The following INF2 variants were observed in gnomAD, a reference collection of about 807,000 sequenced individuals.
The protein encoded by INF2 is inverted formin-2.
Under a neutral mutation model 123.5 loss-of-function variants are expected in INF2, and 43 were observed. The observed-to-expected ratio is 0.35, with a 90% CI of 0.27 to 0.45. INF2 has a LOEUF of 0.45. Ranked by LOEUF, INF2 falls within the 20% of genes least tolerant of loss-of-function variation. The pLI, the probability that INF2 is intolerant of heterozygous loss-of-function variation, is 1.00. For missense variants in INF2, 1,453 were observed against 1,682.7 expected (o/e 0.86, Z 2.39); for synonymous variants, 851 against 745.0 (o/e 1.14, Z -2.32).
chr14:104,713,803 C>T (rs1218010758), intron 20 of INF2, among the ~76,000 whole-genome samples, 197 bp downstream of exon 20: 1 of 152,238 alleles, frequency 6.6e-6, no homozygotes, highest in Non-Finnish European at 1.5e-5. Flanking sequence ...CACTCCAGCT[C>T]CTCCACTGTA....
rs768068589 is a variant in INF2, at chr14:104,715,311, A to G, written c.3722A>G (p.Lys1241Arg). Residue 1241 changes from lysine (K) to arginine (R), a missense_variant, in exon 22 of 23, where the codon AAA becomes AGA. Physicochemically the swap from Lys to Arg is conservative, Grantham distance 26. Around this residue, in one of 8 missense-constraint regions of INF2, gnomAD observed 344 missense variants for 333.1 expected, o/e 1.03. Coordinates refer to ENST00000392634, the MANE Select transcript of INF2 (RefSeq NM_022489.4). ...GTTCCCCCTGATTCTGATGATAATA[A>G]AACAAAGAAACTGTGTGTGATCCAG... ...EEVPPDSDDNKTKKLCVIQ is the reference protein window; with the variant it reads ...EEVPPDSDDNRTKKLCVIQ 10 of 1,613,652 alleles carry G rather than the reference A, an allele frequency of 6.2e-6. No individual in the cohort carries two copies. Among genetic ancestry groups the G allele is most frequent in the Non-Finnish European group, 5.1e-6 (6 of 1,179,846 alleles).
rs1167252164 is a variant in INF2 at position 104,706,961 on chromosome 14, C to G, written c.895C>G (p.Leu299Val). Residue 299 changes from leucine (L) to valine (V), a missense_variant, in exon 7 of 23, where the codon CTG becomes GTG. Physicochemically the swap from Leu to Val is conservative, Grantham distance 32. This residue lies in a region of INF2 where 251 missense variants were observed against 349.4 expected (regional missense o/e 0.72). Transcript: ENST00000392634. Reference protein sequence around the residue: ...AQLLSVLQGLLHLEPTLRSSQ... With the variant: ...AQLLSVLQGLVHLEPTLRSSQ... ...GCTCCTGTCGGTGCTGCAGGGCCTC[C>G]TGCACCTGGAGCCCACCCTCCGCTC... is the stretch of plus-strand genomic sequence containing the variant. 1 of 1,602,266 alleles carries G rather than the reference C, an allele frequency of 6.2e-7. No individual in the cohort carries two copies. The highest frequency in any genetic ancestry group is 2.2e-5 in the East Asian group (1 of 44,842).
chr14:104,708,837 G>A lies in INF2; in HGVS notation c.1949+105G>A, dbSNP rs1889904527. On this transcript the variant is annotated intron_variant, in intron 10 of 22. Coordinates refer to ENST00000392634, the MANE Select transcript of INF2 (RefSeq NM_022489.4). Reference sequence around the variant, plus strand: ...CCCTCTGCAGGCCGCCATGGGAAGTGCACACTGCATCCCCTAGGCAGGATT... The same window carrying A: ...CCCTCTGCAGGCCGCCATGGGAAGTACACACTGCATCCCCTAGGCAGGATT... 4.3e-6 allele frequency: 5 copies of A among 1,154,840 alleles called. No homozygotes were observed. The African/African-American group carries it at 7.7e-5, about 18-fold the overall frequency. 71.5% of individuals were successfully genotyped at this position (1,154,840 alleles called of 1,614,324 possible). A position where few individuals can be genotyped will look rare whatever the true frequency, so the allele number is the denominator to read the frequency against.
rs1056002023 is a variant in INF2, at chr14:104,718,980, C to T, written c.*187C>T. 7 of 1,363,522 alleles carry T rather than the reference C, an allele frequency of 5.1e-6. No individual in the cohort carries two copies. In the East Asian group the frequency reaches 1.8e-4, roughly 35 times the overall value. The allele number at this position is 1,363,522 out of a possible 1,614,324, so 84.5% of individuals were successfully genotyped here. A position where few individuals can be genotyped will look rare whatever the true frequency, so the allele number is the denominator to read the frequency against. On this transcript the variant is annotated 3_prime_UTR_variant, in exon 23 of 23. Coordinates refer to ENST00000392634, the MANE Select transcript of INF2 (RefSeq NM_022489.4). ...GTGTTGTGGCTGGGAACCCGACAGG[C>T]ACCAGTGCCCTGCCAGGCCTGGTGC...
At chr14:104,718,262 C>A (rs1397570338) in intron 22 of INF2, among the ~76,000 whole-genome samples, 1 of 152,148 alleles carries the variant, frequency 6.6e-6, no homozygotes, top group East Asian at 1.9e-4. Context: ...CATCGAGGGC[C>A]CCTGGACCAG....
At chr14:104,703,789 A>C in intron 4 of INF2, 127 bp from the exon 5 acceptor site, 8 of 1,526,160 alleles carry the variant, frequency 5.2e-6, no homozygotes, top group Non-Finnish European at 6.3e-6. Flanking sequence ...TCTCCCCTCC[A>C]GAGCCTCAGG....
intron 10 of INF2, 30 bp from the exon 11 acceptor site, chr14:104,709,251 C>T (rs758006324): frequency 6.4e-7 from 1 of 1,564,440 alleles, no homozygotes; most frequent in Non-Finnish European, 8.8e-7. Flanking sequence ...ATGATTCACT[C>T]ACCCCTGCCC....
chr14:104,707,983 G>C lies in INF2; in HGVS notation c.1716G>C (p.Leu572=), dbSNP rs780141010. 7.5e-6 allele frequency: 12 copies of C among 1,598,250 alleles called. No homozygotes were observed. Among genetic ancestry groups the C allele is most frequent in the African/African-American group, 1.3e-5 (1 of 75,044 alleles). ...TGAAGAAGCTGAACTGGCAGAAGCT[G>C]CCATCCAACGTGGCACGTGGTGAGG... ...LRMKKLNWQK[L]PSNVAREHNS... The change falls in exon 8 of 23, where the codon CTG becomes CTC. Residue 572 remains leucine, a synonymous_variant. Coordinates refer to ENST00000392634, the MANE Select transcript of INF2 (RefSeq NM_022489.4).
upstream of INF2, chr14:104,689,356 C>T: frequency 2.7e-6 from 2 of 740,276 alleles, no homozygotes; most frequent in Non-Finnish European, 3.3e-6. Flanking sequence ...GGGAGACGGC[C>T]CCGATCTGCG....
chr14:104,716,192 GTGTCGGTGCATCACAAATA>G (rs1890292851), intron 22 of INF2, among the ~76,000 whole-genome samples: 1 of 152,214 alleles, frequency 6.6e-6, no homozygotes, highest in Non-Finnish European at 1.5e-5. Context: ...AGCCAGCCCG[GTGTCGGTGCATCACAAATA>G]TGCTGACCGC....
chr14:104,712,603 A>T, intron 17 of INF2, 50 bp downstream of exon 17: 2 of 1,610,912 alleles, frequency 1.2e-6, no homozygotes, highest in Non-Finnish European at 1.7e-6. Context: ...GCCCTGATAG[A>T]GTGAGCTGGG....
rs758725838 is a variant in INF2, at chr14:104,707,560, T to C, written c.1293T>C (p.Pro431=). 24 of 995,336 alleles carry C rather than the reference T, an allele frequency of 2.4e-5. No homozygotes were observed. The highest frequency in any genetic ancestry group is 2.9e-5 in the Non-Finnish European group (23 of 784,460). The allele number at this position is 995,336 out of a possible 1,614,324, so 61.7% of individuals were successfully genotyped here. A position where few individuals can be genotyped will look rare whatever the true frequency, so the allele number is the denominator to read the frequency against. Residue 431 remains proline (P), a synonymous_variant, in exon 8 of 23, where the codon CCT becomes CCC. Transcript: ENST00000392634. The part of the protein sequence containing the change: ...PPPPPPPPLL[P]GSSAEPPPPP... ...CACCCCCACCCCCACCCCTGCTCCC[T>C]GGTTCCAGTGCCGAGCCCCCTCCCC...
chr14:104,700,600 C>T (rs1024231533), intron 1 of INF2, among the ~76,000 whole-genome samples: 17 of 152,174 alleles, frequency 1.1e-4, no homozygotes, highest in African/African-American at 4.1e-4. Context: ...CCCGCCTGTC[C>T]TGCTGTTCTG....
intron 1 of INF2, among the ~76,000 whole-genome samples, chr14:104,694,027 C>T (rs1450008505): frequency 2.0e-5 from 3 of 152,236 alleles, no homozygotes; most frequent in Non-Finnish European, 4.4e-5. Flanking sequence ...CTTGGGGACA[C>T]CCAGGGCCCC....
chr14:104,689,590 T>TTCCCCCCCCCC, upstream of INF2: 10 of 646,936 alleles, frequency 1.5e-5, no homozygotes, highest in Non-Finnish European at 1.9e-5. Context: ...CTCCTCTTCC[T>TTCCCCCCCCCC]CCCGCCCGCC....
chr14:104,709,573 G>A (rs775856738), intron 11 of INF2, 47 bp from the exon 12 acceptor site: 14 of 1,554,574 alleles, frequency 9.0e-6, no homozygotes, highest in South Asian at 6.7e-5. Flanking sequence ...CCGGGAGGGC[G>A]GGAAGCTGGC....
At chr14:104,716,134 C>T in intron 22 of INF2, 1 of 358,498 alleles carries the variant, frequency 2.8e-6, no homozygotes, top group Non-Finnish European at 5.5e-6. Flanking sequence ...ATCATGAGCT[C>T]TGTGAGCCCA....
At chr14:104,704,604 G>A (rs1426101639) in intron 5 of INF2, 2 of 153,982 alleles carry the variant, frequency 1.3e-5, no homozygotes, top group African/African-American at 2.4e-5. Context: ...AATGCCTGAT[G>A]ATCGGGGGTG....
chr14:104,715,322 CTG>C lies in INF2; in HGVS notation c.3740_3741del (p.Val1247AspfsTer89), dbSNP rs753327806. ...PDSDDNKTKK[L>X]CVIQ ...TTCTGATGATAATAAAACAAAGAAA[CTG>C]TGTGTGATCCAGTAAGGTATGTACG... On this transcript the variant is annotated frameshift_variant, in exon 22 of 23. Transcript: ENST00000392634. LOFTEE classifies it high-confidence loss of function. 331 of 1,613,482 alleles carry C rather than the reference CTG, an allele frequency of 2.1e-4. No individual in the cohort carries two copies. The highest frequency in any genetic ancestry group is 3.2e-4 in the African/African-American group (24 of 74,942).
Sources: allele counts gnomAD v4.1 joint callset (sites outside exome capture counted in the v4.1 genomes callset), GRCh38; gene constraint gnomAD v4.1.1; regional missense constraint gnomAD v4.1.1; transcripts MANE v1.5; gene names NCBI Gene and HGNC (gene_info 2026-07-23, HGNC 2026-07-21).